The following HNF4G variants were observed in gnomAD, a reference collection of about 807,000 sequenced individuals.
The protein encoded by HNF4G is hepatocyte nuclear factor 4-gamma.
Under a neutral mutation model 50.9 loss-of-function variants are expected in HNF4G, and 21 were observed. The observed-to-expected ratio is 0.41, with a 90% confidence interval of 0.29 to 0.59. HNF4G has a LOEUF of 0.59. Among genes scored for constraint, HNF4G ranks in the 20% least tolerant of loss-of-function variants. The pLI is 0.26. For missense variants in HNF4G, 527 were observed against 559.4 expected, an observed-to-expected ratio of 0.94 and a Z score of 0.58; for synonymous variants, 198 against 185.6, an observed-to-expected ratio of 1.07 and a Z score of -0.54.
intron 1 of HNF4G, among the ~76,000 whole-genome samples, chr8:75,481,755 T>G (rs1367621107): frequency 6.6e-6 from 1 of 152,168 alleles, no homozygotes; most frequent in Non-Finnish European, 1.5e-5. Flanking sequence ...ATAAAAATTA[T>G]GCATCTAAAT....
intron 1 of HNF4G, among the ~76,000 whole-genome samples, chr8:75,426,027 A>T (rs1810883995): frequency 6.6e-6 from 1 of 152,228 alleles, no homozygotes; most frequent in Non-Finnish European, 1.5e-5. Flanking sequence ...TGGTAAGAAT[A>T]TTACACTATC....
At chr8:75,449,760 G>A (rs1811541231) in intron 1 of HNF4G, among the ~76,000 whole-genome samples, 1 of 151,886 alleles carries the variant, frequency 6.6e-6, no homozygotes, top group South Asian at 2.1e-4. Context: ...GCCCCCCTTG[G>A]CCTCCCAAAG....
intron 2 of HNF4G, among the ~76,000 whole-genome samples, chr8:75,509,397 T>C (rs1307290037): frequency 6.6e-6 from 1 of 152,148 alleles, no homozygotes; most frequent in Non-Finnish European, 1.5e-5. Context: ...ATATAAAGAC[T>C]GGGGAGACTA....
At chr8:75,513,181 G>A (rs549705762) in intron 2 of HNF4G, among the ~76,000 whole-genome samples, 1 of 151,952 alleles carries the variant, frequency 6.6e-6, no homozygotes, top group African/African-American at 2.4e-5. Context: ...GGGACTACAG[G>A]CTCCTACCAC....
At chr8:75,519,798 A>G (rs1293367082) in intron 2 of HNF4G, among the ~76,000 whole-genome samples, 1 of 151,836 alleles carries the variant, frequency 6.6e-6, no homozygotes, top group Non-Finnish European at 1.5e-5. Flanking sequence ...CTTTGTATTT[A>G]AAGTGTGGTT....
intron 2 of HNF4G, chr8:75,495,590 C>T (rs2977923): frequency 0.52 from 77,590 of 148,168 alleles, 22,582 homozygotes; most frequent in African/African-American, 0.79. Flanking sequence ...CAGGCTGGAG[C>T]GCAGTGGTGC....
At chr8:75,496,686 T>C (rs1812775625) in intron 2 of HNF4G, among the ~76,000 whole-genome samples, 1 of 152,034 alleles carries the variant, frequency 6.6e-6, no homozygotes, top group South Asian at 2.1e-4. Context: ...TCCTATAATA[T>C]TTGGTTTTTA....
intron 1 of HNF4G, among the ~76,000 whole-genome samples, chr8:75,432,482 G>T (rs1258874476): frequency 1.3e-5 from 2 of 151,952 alleles, no homozygotes; most frequent in Non-Finnish European, 1.5e-5. Context: ...TGTATTTTTA[G>T]TAGAGATGGG....
intron 1 of HNF4G, among the ~76,000 whole-genome samples, chr8:75,483,880 A>T (rs1385220082): frequency 6.6e-6 from 1 of 152,156 alleles, no homozygotes; most frequent in Non-Finnish European, 1.5e-5. Context: ...ATATGTCTCG[A>T]TCAATAATAA....
At chr8:75,529,833 TTTATC>T (rs1298001460) in intron 2 of HNF4G, among the ~76,000 whole-genome samples, 4 of 152,158 alleles carry the variant, frequency 2.6e-5, no homozygotes, top group Non-Finnish European at 5.9e-5. Flanking sequence ...CATCACAACA[TTTATC>T]TTATTTTTAA....
At chr8:75,547,038 T>C (rs1431996781) in intron 2 of HNF4G, among the ~76,000 whole-genome samples, 1 of 152,216 alleles carries the variant, frequency 6.6e-6, no homozygotes, top group Non-Finnish European at 1.5e-5. Context: ...ATTTGTTTTT[T>C]CTTTATTTTG....
intron 1 of HNF4G, among the ~76,000 whole-genome samples, chr8:75,459,357 C>A (rs1271776056): frequency 6.6e-6 from 1 of 152,108 alleles, no homozygotes; most frequent in Non-Finnish European, 1.5e-5. Flanking sequence ...AATGTACATG[C>A]AGAATTTTAA....
intron 9 of HNF4G, 53 bp from the exon 10 acceptor site, chr8:75,563,922 G>A: frequency 1.9e-6 from 3 of 1,601,672 alleles, no homozygotes; most frequent in Non-Finnish European, 2.6e-6. Flanking sequence ...GGTTTAATGG[G>A]GTGAGGAAGA....
intron 1 of HNF4G, among the ~76,000 whole-genome samples, chr8:75,484,029 T>C (rs1812441690): frequency 6.6e-6 from 1 of 152,200 alleles, no homozygotes; most frequent in South Asian, 2.1e-4. Flanking sequence ...ATATTCAAGT[T>C]AGGGAAGCCA....
At chr8:75,424,394 T>G (rs1017257547) in intron 1 of HNF4G, among the ~76,000 whole-genome samples, 14 of 152,194 alleles carry the variant, frequency 9.2e-5, no homozygotes, top group African/African-American at 3.4e-4. Flanking sequence ...TAAATTTCCA[T>G]TTTTATTTTT....
At chr8:75,468,022 T>G (rs911318115) in intron 1 of HNF4G, among the ~76,000 whole-genome samples, 1 of 152,184 alleles carries the variant, frequency 6.6e-6, no homozygotes, top group African/African-American at 2.4e-5. Context: ...AATGTACATA[T>G]GCATATATGC....
At chr8:75,417,860 A>C (rs1050540608) in intron 1 of HNF4G, among the ~76,000 whole-genome samples, 2 of 152,186 alleles carry the variant, frequency 1.3e-5, no homozygotes, top group African/African-American at 4.8e-5. Flanking sequence ...TAATAGTCAC[A>C]TATTTGATCA....
intron 1 of HNF4G, among the ~76,000 whole-genome samples, chr8:75,431,724 G>C (rs1282839049): frequency 6.6e-6 from 1 of 151,876 alleles, no homozygotes; most frequent in African/African-American, 2.4e-5. Flanking sequence ...TCAGGAGTTT[G>C]AGACCAGCCT....
At chr8:75,447,627 T>A (rs1811454078) in intron 1 of HNF4G, among the ~76,000 whole-genome samples, 1 of 152,038 alleles carries the variant, frequency 6.6e-6, no homozygotes, top group Admixed American at 6.6e-5. Flanking sequence ...GTGAAGGACA[T>A]GAACAGACAC....
Sources: allele counts gnomAD v4.1 joint callset (sites outside exome capture counted in the v4.1 genomes callset), GRCh38; gene constraint gnomAD v4.1.1; transcripts MANE v1.5; gene names NCBI Gene and HGNC (gene_info 2026-07-23, HGNC 2026-07-21).